The following SIAH2 variants were observed in gnomAD, a reference collection of about 807,000 sequenced individuals.
The protein encoded by SIAH2 is E3 ubiquitin-protein ligase SIAH2.
A neutral mutation model predicts 20.4 loss-of-function variants in SIAH2; 4 were observed. That is an observed-to-expected ratio of 0.20 (90% CI 0.10 to 0.45). SIAH2 has a LOEUF of 0.45. Ranked by LOEUF, SIAH2 falls within the 20% of genes least tolerant of loss-of-function variation. The probability of loss-of-function intolerance (pLI) is 0.99; values close to 1 mark genes in which losing one functional copy is unlikely to be tolerated. For synonymous variants in SIAH2, 171 were observed against 192.5 expected (o/e 0.89, Z 0.93); for missense variants, 259 against 440.3 (o/e 0.59, Z 3.69).
chr3:150,750,468 G>A (rs1249147338), intron 1 of SIAH2, among the ~76,000 whole-genome samples: 7 of 152,170 alleles, frequency 4.6e-5, no homozygotes, highest in Non-Finnish European at 1.0e-4. Flanking sequence ...TAGATTTTGA[G>A]ATCATGTAAG....
At position 150,762,958 on chromosome 3, in the gene SIAH2, G is replaced by A; in HGVS notation, c.-109C>T. The A allele has an allele frequency of 9.1e-7, 1 of 1,093,806 alleles. No homozygotes were observed. Among genetic ancestry groups the A allele is most frequent in the Non-Finnish European group, 1.1e-6 (1 of 893,346 alleles). 67.8% of individuals were successfully genotyped at this position (1,093,806 alleles called of 1,614,324 possible). A position where few individuals can be genotyped will look rare whatever the true frequency, so the allele number is the denominator to read the frequency against. ...GCGAGCTCCGAGGCAACGCCACGGC[G>A]CCCAGCCCAGGTCCGGGCGGCGGAG... On this transcript the variant is annotated 5_prime_UTR_variant, in exon 1 of 2. Transcript: ENST00000312960. The surrounding 1 kb of genome is among the most constrained non-coding windows in gnomAD (Gnocchi z 6.6).
In SIAH2 at chr3:150,762,738, T is replaced by C; in HGVS notation, c.112A>G (p.Ile38Val). 8.5e-7 allele frequency: 1 copy of C among 1,172,804 alleles called. No individual in the cohort carries two copies. The highest frequency in any genetic ancestry group is 4.1e-5 in the South Asian group (1 of 24,206). 72.6% of individuals were successfully genotyped at this position (1,172,804 alleles called of 1,614,324 possible). A position where few individuals can be genotyped will look rare whatever the true frequency, so the allele number is the denominator to read the frequency against. Residue 38 changes from isoleucine to valine, a missense_variant, in exon 1 of 2, where the codon ATC becomes GTC. Ile to Val is a conservative substitution (Grantham distance 29). This residue lies in a region of SIAH2 where 99 missense variants were observed against 112.7 expected (regional missense o/e 0.88). Transcript: ENST00000312960. The surrounding 1 kb of genome is among the most constrained non-coding windows in gnomAD (Gnocchi z 6.6). Reference sequence around the variant, plus strand: ...GACGAGCCGGGGCCCGCAGCCGAGATGGTGGCGGCGGCCGGGGGCGCAGCC... The same window carrying C: ...GACGAGCCGGGGCCCGCAGCCGAGACGGTGGCGGCGGCCGGGGGCGCAGCC... ...SPAAPPAAAT[I>V]SAAGPGSSAV...
In SIAH2 at chr3:150,758,420, A is replaced by G. The variant is rs116073432; in HGVS notation, c.417+4013T>C. On this transcript the variant is annotated intron_variant, in intron 1 of 1. Coordinates refer to ENST00000312960, the MANE Select transcript of SIAH2 (RefSeq NM_005067.7). The stretch of plus-strand genomic sequence containing the variant: ...CTATGTTGTTGATATGAATGTGTCA[A>G]CCTTCACTTCTCCCCCTAAACCCAC... Among the ~76,000 whole-genome samples, 328 of 152,064 alleles carry G rather than the reference A, an allele frequency of 2.2e-3. 2 individuals carry two copies. The highest frequency in any genetic ancestry group is 3.8e-3 in the Non-Finnish European group (261 of 67,998).
chr3:150,759,513 T>C (rs1714558851), intron 1 of SIAH2, among the ~76,000 whole-genome samples: 4 of 152,174 alleles, frequency 2.6e-5, no homozygotes, highest in Non-Finnish European at 4.4e-5. Context: ...GGTGTCAACC[T>C]TGAGTTATGA....
rs913595577 is a variant in SIAH2, at chr3:150,753,140, C to T, written c.417+9293G>A. 2.6e-5 allele frequency among the ~76,000 whole-genome samples: 4 copies of T among 152,188 alleles called. 1 individual carries two copies. Among genetic ancestry groups the T allele is most frequent in the South Asian group, 4.1e-4 (2 of 4,824 alleles). On this transcript the variant is annotated intron_variant, in intron 1 of 1. Coordinates refer to ENST00000312960, the MANE Select transcript of SIAH2 (RefSeq NM_005067.7). ...GGCAGCAAGGTCTTCGGACTCCTTT[C>T]GGCTCCTAGTACTTCAGACGGGCTC...
intron 1 of SIAH2, among the ~76,000 whole-genome samples, chr3:150,749,717 T>C (rs1714315333): frequency 6.6e-6 from 1 of 152,222 alleles, no homozygotes; most frequent in Admixed American, 6.5e-5. Flanking sequence ...TAGAGGCTAT[T>C]TGAGACTGTA....
chr3:150,758,410 G>C (rs1289881452), intron 1 of SIAH2, among the ~76,000 whole-genome samples: 2 of 151,934 alleles, frequency 1.3e-5, no homozygotes, highest in Admixed American at 6.6e-5. Context: ...TTGTTGATAT[G>C]AATGTGTCAA....
chr3:150,749,391 G>A (rs1273357391), intron 1 of SIAH2, among the ~76,000 whole-genome samples: 1 of 151,868 alleles, frequency 6.6e-6, no homozygotes, highest in Admixed American at 6.6e-5. Flanking sequence ...TGTAGTCCCG[G>A]CTACTAGGAG....
chr3:150,754,627 T>G (rs1478896250), intron 1 of SIAH2, among the ~76,000 whole-genome samples: 3 of 152,198 alleles, frequency 2.0e-5, no homozygotes, highest in Non-Finnish European at 2.9e-5. Flanking sequence ...TTTGCAAGGA[T>G]GTATGCAAAA....
chr3:150,744,512 G>A (rs1187629411), intron 1 of SIAH2, among the ~76,000 whole-genome samples: 1 of 152,160 alleles, frequency 6.6e-6, no homozygotes, highest in African/African-American at 2.4e-5. Flanking sequence ...TATAAGGCCT[G>A]AAAAACAAAT....
intron 1 of SIAH2, among the ~76,000 whole-genome samples, chr3:150,747,807 A>C (rs1040841081): frequency 6.6e-6 from 1 of 151,330 alleles, no homozygotes; most frequent in Non-Finnish European, 1.5e-5. Flanking sequence ...AACAAAAACA[A>C]AAAAAAATTA....
At chr3:150,749,904 C>T (rs904864638) in intron 1 of SIAH2, among the ~76,000 whole-genome samples, 1 of 152,116 alleles carries the variant, frequency 6.6e-6, no homozygotes, top group East Asian at 1.9e-4. Context: ...CTCAGTGGTC[C>T]AAGGTAAACT....
At chr3:150,760,325 G>A (rs528628528) in intron 1 of SIAH2, among the ~76,000 whole-genome samples, 60 of 152,210 alleles carry the variant, frequency 3.9e-4, no homozygotes, top group South Asian at 2.3e-3. Flanking sequence ...TGGTCTGCAG[G>A]GGAATAATTG....
At chr3:150,753,665 G>A (rs1365417068) in intron 1 of SIAH2, among the ~76,000 whole-genome samples, 1 of 152,094 alleles carries the variant, frequency 6.6e-6, no homozygotes, top group Non-Finnish European at 1.5e-5. Context: ...CTGATGGTGT[G>A]TGCCTGTAAT....
rs748448986 is a variant in SIAH2, at chr3:150,762,644, G to A, written c.206C>T (p.Pro69Leu). ...GAGCGAGGTCAGCTCGTGGTGCTGC[G>A]GGGACACCGGGCCGGCCCCGCCGCC... is the stretch of plus-strand genomic sequence containing the variant. ...GGGGGAGPVS[P>L]QHHELTSLFE... is the part of the protein sequence containing the mutation. The change falls in exon 1 of 2, where the codon CCG becomes CTG. Residue 69 changes from proline to leucine, a missense_variant. By Grantham distance (98) the Pro-to-Leu change is moderately conservative. This residue lies in a region of SIAH2 where 99 missense variants were observed against 112.7 expected (regional missense o/e 0.88). Transcript: ENST00000312960. The surrounding 1 kb of genome is among the most constrained non-coding windows in gnomAD (Gnocchi z 6.6). 2.6e-6 allele frequency: 4 copies of A among 1,562,842 alleles called. No homozygotes were observed. Among genetic ancestry groups the A allele is most frequent in the Non-Finnish European group, 3.5e-6 (4 of 1,159,194 alleles).
chr3:150,750,289 T>C (rs1355191213), intron 1 of SIAH2, among the ~76,000 whole-genome samples: 1 of 152,232 alleles, frequency 6.6e-6, no homozygotes, highest in Non-Finnish European at 1.5e-5. Flanking sequence ...GGTTTGTTAA[T>C]TTTGCTTATT....
chr3:150,744,274 A>T (rs1209486547), intron 1 of SIAH2, among the ~76,000 whole-genome samples: 1 of 152,188 alleles, frequency 6.6e-6, no homozygotes, highest in African/African-American at 2.4e-5. Flanking sequence ...GAGTGGCTTA[A>T]AGAAAGAAAT....
intron 1 of SIAH2, among the ~76,000 whole-genome samples, chr3:150,747,654 G>C (rs892055754): frequency 6.6e-5 from 10 of 152,014 alleles, no homozygotes; most frequent in African/African-American, 2.4e-4. Context: ...AAAATAGGGA[G>C]GTAGGACCGG....
chr3:150,757,625 A>C (rs889440021), intron 1 of SIAH2, among the ~76,000 whole-genome samples: 2 of 151,982 alleles, frequency 1.3e-5, no homozygotes, highest in African/African-American at 4.8e-5. Context: ...TTTGTCTGCA[A>C]GTGGTGGTTA....
Sources: allele counts gnomAD v4.1 joint callset (sites outside exome capture counted in the v4.1 genomes callset), GRCh38; gene constraint gnomAD v4.1.1; regional missense constraint gnomAD v4.1.1; non-coding constraint Gnocchi (gnomAD v3.1); transcripts MANE v1.5; gene names NCBI Gene and HGNC (gene_info 2026-07-23, HGNC 2026-07-21).